CASTOR2: variants seen among roughly 807,000 people sequenced by gnomAD.
The protein encoded by CASTOR2 is GATS protein like 2.
CASTOR2 carries 8 observed loss-of-function variants against 31.2 expected under a neutral mutation model. The observed-to-expected ratio is 0.26, with a 90% CI of 0.15 to 0.46. The LOEUF is 0.46. CASTOR2 is among the 20% of genes least tolerant of loss of function. CASTOR2 has a pLI of 0.99. For synonymous variants in CASTOR2, 162 were observed against 158.7 expected (o/e 1.02, Z -0.16); for missense variants, 216 against 382.1 (o/e 0.57, Z 3.62).
intron 1 of CASTOR2, among the ~76,000 whole-genome samples, chr7:74,967,926 ATTTTT>A (rs1183706567): frequency 4.6e-5 from 2 of 43,126 alleles, no homozygotes; most frequent in African/African-American, 2.1e-4. Context: ...CCTCATCTTT[ATTTTT>A]TTTATTTTTT....
At chr7:75,023,046 C>T (rs888520247) in intron 7 of CASTOR2, among the ~76,000 whole-genome samples, 2 of 151,938 alleles carry the variant, frequency 1.3e-5, no homozygotes, top group African/African-American at 2.4e-5. Flanking sequence ...AGGTGGCTTA[C>T]GCCTGTAATC....
At chr7:75,001,495 G>A (rs1401356916) in intron 1 of CASTOR2, among the ~76,000 whole-genome samples, 9 of 152,192 alleles carry the variant, frequency 5.9e-5, no homozygotes, top group East Asian at 1.9e-4. Flanking sequence ...CCGGGGGCCC[G>A]GCATCTGGGG....
In CASTOR2 at chr7:75,030,761, C is replaced by T. The variant is rs969030671; in HGVS notation, c.*6062C>T. Reference sequence around the variant, plus strand: ...TAGCCTCAGAATTCACACGCCGTTGCCTCCACCATGCTCTGGTTTGATACA... The same window carrying T: ...TAGCCTCAGAATTCACACGCCGTTGTCTCCACCATGCTCTGGTTTGATACA... On this transcript the variant is annotated 3_prime_UTR_variant, in exon 9 of 9. Transcript: ENST00000616305. 1.4e-4 allele frequency among the ~76,000 whole-genome samples: 22 copies of T among 152,282 alleles called. No homozygotes were observed. Among genetic ancestry groups the T allele is most frequent in the African/African-American group, 5.1e-4 (21 of 41,560 alleles).
chr7:75,019,834 G>C (rs2131955631), intron 5 of CASTOR2, among the ~76,000 whole-genome samples: 1 of 152,324 alleles, frequency 6.6e-6, no homozygotes, highest in African/African-American at 2.4e-5. Flanking sequence ...GGCCGGCCGG[G>C]CCTCCAGTAC....
intron 1 of CASTOR2, chr7:75,007,741 G>A: frequency 1.7e-6 from 1 of 588,948 alleles, no homozygotes. Flanking sequence ...AGTCATAGGG[G>A]CTGACTGGCT....
At chr7:74,977,893 G>A (rs1281421049) in intron 1 of CASTOR2, among the ~76,000 whole-genome samples, 1 of 150,742 alleles carries the variant, frequency 6.6e-6, no homozygotes, top group Non-Finnish European at 1.5e-5. Context: ...TGCCCAGGCT[G>A]GTCTCGAACT....
At chr7:75,008,388 T>C (rs1804652091) in intron 2 of CASTOR2, among the ~76,000 whole-genome samples, 1 of 152,134 alleles carries the variant, frequency 6.6e-6, no homozygotes, top group African/African-American at 2.4e-5. Flanking sequence ...AAAAGGAACA[T>C]GTTTCACTGA....
At chr7:75,020,848 G>A (rs895626415) in intron 6 of CASTOR2, among the ~76,000 whole-genome samples, 2 of 152,002 alleles carry the variant, frequency 1.3e-5, no homozygotes, top group African/African-American at 4.8e-5. Context: ...CCATGCTGGA[G>A]TGCAGTGGTG....
intron 1 of CASTOR2, among the ~76,000 whole-genome samples, chr7:74,979,583 G>A (rs1400418384): frequency 2.1e-5 from 1 of 46,564 alleles, no homozygotes; most frequent in African/African-American, 9.9e-5. Context: ...AGTAGAGATG[G>A]GGTTTCACCA....
chr7:75,018,107 G>A lies in CASTOR2; in HGVS notation c.496G>A (p.Val166Met). 3 of 1,614,070 alleles carry A rather than the reference G, an allele frequency of 1.9e-6. No individual in the cohort carries two copies. The highest frequency in any genetic ancestry group is 1.7e-6 in the Non-Finnish European group (2 of 1,179,920). ...AENLGITNGF[V>M]KPKLVQRPVI... Reference sequence around the variant, plus strand: ...GAACCTCGGCATCACCAATGGCTTCGTGAAGCCCAAGCTGGGTGAGCTGGG... The same window carrying A: ...GAACCTCGGCATCACCAATGGCTTCATGAAGCCCAAGCTGGGTGAGCTGGG... The change falls in exon 4 of 9, where the codon GTG (valine) becomes ATG (methionine). Residue 166 changes from valine (V) to methionine (M), a missense_variant. This residue lies in a region of CASTOR2 where 114 missense variants were observed against 194.2 expected (regional missense o/e 0.59). Coordinates refer to ENST00000616305, the MANE Select transcript of CASTOR2 (RefSeq NM_001145064.3).
intron 1 of CASTOR2, among the ~76,000 whole-genome samples, chr7:74,978,203 A>G (rs1803870763): frequency 6.7e-6 from 1 of 149,240 alleles, no homozygotes; most frequent in African/African-American, 2.5e-5. Flanking sequence ...TCCTGGGTTC[A>G]AGCAATTCTG....
chr7:75,007,389 G>T (rs1804631659), intron 1 of CASTOR2, among the ~76,000 whole-genome samples: 1 of 152,130 alleles, frequency 6.6e-6, no homozygotes, highest in East Asian at 1.9e-4. Flanking sequence ...ATACCTCCCA[G>T]GCTGAGTGGT....
At chr7:74,996,841 G>T (rs1804364133) in intron 1 of CASTOR2, among the ~76,000 whole-genome samples, 1 of 138,358 alleles carries the variant, frequency 7.2e-6, no homozygotes, top group Admixed American at 8.1e-5. Flanking sequence ...CAATTCTTCC[G>T]CCTCAGCCTC....
intron 2 of CASTOR2, among the ~76,000 whole-genome samples, chr7:75,008,722 T>C (rs1407742317): frequency 1.3e-5 from 2 of 151,952 alleles, no homozygotes; most frequent in Non-Finnish European, 2.9e-5. Flanking sequence ...TAAAGAAAAG[T>C]GTCTAGCTGG....
intron 1 of CASTOR2, among the ~76,000 whole-genome samples, chr7:75,002,241 C>T (rs1269371136): frequency 6.6e-6 from 1 of 151,802 alleles, no homozygotes; most frequent in African/African-American, 2.4e-5. Context: ...AGGTTTTACC[C>T]CAGAGGAGAT....
chr7:75,020,897 A>G (rs905988975), intron 6 of CASTOR2, among the ~76,000 whole-genome samples: 19 of 152,126 alleles, frequency 1.2e-4, no homozygotes, highest in African/African-American at 4.6e-4. Flanking sequence ...CCCAGGTTCA[A>G]GTGATCCACA....
At chr7:75,022,091 T>G in intron 7 of CASTOR2, 135 bp downstream of exon 7, 1 of 1,060,062 alleles carries the variant, frequency 9.4e-7, no homozygotes, top group East Asian at 2.6e-5. Context: ...AGCCTGAAAT[T>G]TCTGTTGCTC....
chr7:74,991,074 G>GAAAA (rs587606119), intron 1 of CASTOR2, among the ~76,000 whole-genome samples: 1 of 136,568 alleles, frequency 7.3e-6, no homozygotes. Context: ...ACCCTGTCTG[G>GAAAA]AAAAAAAAAA....
chr7:75,020,666 T>C (rs934809439), intron 6 of CASTOR2, among the ~76,000 whole-genome samples: 1 of 152,008 alleles, frequency 6.6e-6, no homozygotes, highest in Admixed American at 6.6e-5. Flanking sequence ...ATTTTTTGTA[T>C]TTTTAGTAGA....
Sources: allele counts gnomAD v4.1 joint callset (sites outside exome capture counted in the v4.1 genomes callset), GRCh38; gene constraint gnomAD v4.1.1; regional missense constraint gnomAD v4.1.1; transcripts MANE v1.5; gene names NCBI Gene and HGNC (gene_info 2026-07-23, HGNC 2026-07-21).